The following RAI14 variants were observed in gnomAD, a reference collection of about 807,000 sequenced individuals.
RAI14 encodes retinoic acid induced 14, also known as ankycorbin.
A neutral mutation model predicts 115.4 loss-of-function variants in RAI14; 45 were observed. The observed-to-expected ratio is 0.39, with a 90% CI of 0.31 to 0.50. The LOEUF (loss-of-function observed/expected upper bound fraction) is 0.50, where lower values mean the gene tolerates loss of function less well. RAI14 is among the 20% of genes least tolerant of loss of function. The pLI, the probability that RAI14 is intolerant of heterozygous loss-of-function variation, is 0.85. For synonymous variants in RAI14, 371 were observed against 415.4 expected (o/e 0.89, Z 1.30); for missense variants, 939 against 1,131.2 (o/e 0.83, Z 2.44).
intron 2 of RAI14, among the ~76,000 whole-genome samples, chr5:34,734,283 C>G (rs1225705246): frequency 1.3e-5 from 2 of 152,210 alleles, no homozygotes; most frequent in African/African-American, 2.4e-5. Context: ...GAGCACTGCT[C>G]TTCCCTTGAG....
At chr5:34,794,607 T>C (rs1159311667) in intron 3 of RAI14, among the ~76,000 whole-genome samples, 1 of 152,194 alleles carries the variant, frequency 6.6e-6, no homozygotes, top group Non-Finnish European at 1.5e-5. Context: ...AATTAAACGT[T>C]AGAGCCAAGG....
At chr5:34,734,881 G>A (rs917182973) in intron 2 of RAI14, among the ~76,000 whole-genome samples, 5 of 151,916 alleles carry the variant, frequency 3.3e-5, no homozygotes, top group African/African-American at 4.8e-5. Context: ...GGCTGGTCTC[G>A]AACTCCTGAC....
At chr5:34,657,576 C>G (rs1401777498) in intron 1 of RAI14, among the ~76,000 whole-genome samples, 1 of 152,194 alleles carries the variant, frequency 6.6e-6, no homozygotes, top group South Asian at 2.1e-4. Flanking sequence ...CCCCTCGCCT[C>G]GGGACCAGCG....
chr5:34,744,127 T>C (rs1379546868), intron 2 of RAI14, among the ~76,000 whole-genome samples: 1 of 152,218 alleles, frequency 6.6e-6, no homozygotes, highest in East Asian at 1.9e-4. Flanking sequence ...ATGCCAGGAA[T>C]ACTTTTGGAG....
chr5:34,745,823 C>T (rs984872168), intron 2 of RAI14, among the ~76,000 whole-genome samples: 5 of 152,118 alleles, frequency 3.3e-5, no homozygotes, highest in Admixed American at 6.6e-5. Flanking sequence ...GCTATTGGAG[C>T]ATTACCATGT....
chr5:34,714,616 A>G (rs909555681), intron 2 of RAI14, among the ~76,000 whole-genome samples: 5 of 152,222 alleles, frequency 3.3e-5, no homozygotes, highest in South Asian at 2.1e-4. Flanking sequence ...TTAAAATCCA[A>G]TGGCATATAA....
At chr5:34,725,206 T>G (rs1743293203) in intron 2 of RAI14, among the ~76,000 whole-genome samples, 1 of 152,126 alleles carries the variant, frequency 6.6e-6, no homozygotes, top group Admixed American at 6.6e-5. Context: ...AGGAACAAAA[T>G]TGATGGGTAG....
chr5:34,812,298 A>C (rs773468997), intron 10 of RAI14, 90 bp downstream of exon 10: 2 of 1,111,736 alleles, frequency 1.8e-6, no homozygotes, highest in Non-Finnish European at 2.6e-6. Flanking sequence ...TCCACTAGTA[A>C]AGTAATAAAG....
intron 2 of RAI14, among the ~76,000 whole-genome samples, chr5:34,737,767 AAAAC>A (rs1264401224): frequency 1.1e-4 from 16 of 152,130 alleles, no homozygotes; most frequent in Non-Finnish European, 2.2e-4. Context: ...TCAAAAACAA[AAAAC>A]AAAACCAAAA....
intron 7 of RAI14, among the ~76,000 whole-genome samples, chr5:34,808,885 G>A (rs373622794): frequency 2.6e-5 from 4 of 152,252 alleles, no homozygotes; most frequent in African/African-American, 9.6e-5. Context: ...GATCCCTCAC[G>A]TGCTCAGTTC....
chr5:34,747,051 C>T (rs1746347680), intron 2 of RAI14, among the ~76,000 whole-genome samples: 1 of 152,228 alleles, frequency 6.6e-6, no homozygotes, highest in South Asian at 2.1e-4. Context: ...CCATGTGGAA[C>T]TGTAAATCCA....
Position 34,823,229 on chromosome 5 carries a change from A to G in RAI14, c.1387A>G (p.Arg463Gly). 6.2e-7 allele frequency: 1 copy of G among 1,614,094 alleles called. No homozygotes were observed. ...KQLQVELQSR[R>G]AELVCLNNTE... ...GCTACAGGTCGAACTCCAATCCCGA[A>G]GGGCAGAACTGGTATGCTTAAACAA... Residue 463 changes from arginine to glycine, a missense_variant, in exon 15 of 18, where the codon AGG (arginine) becomes GGG (glycine). Coordinates refer to ENST00000265109, the MANE Select transcript of RAI14 (RefSeq NM_015577.3). The surrounding 1 kb of genome is among the most constrained non-coding windows in gnomAD (Gnocchi z 4.5).
At chr5:34,688,684 G>A (rs1358369838) in intron 2 of RAI14, among the ~76,000 whole-genome samples, 1 of 152,114 alleles carries the variant, frequency 6.6e-6, no homozygotes, top group East Asian at 1.9e-4. Flanking sequence ...TTGGTATAAT[G>A]GAGCCCAACA....
In RAI14 at chr5:34,814,646, T is replaced by A. The variant is rs1755985502; in HGVS notation, c.916T>A (p.Phe306Ile). Residue 306 changes from phenylalanine (F) to isoleucine (I), a missense_variant, in exon 12 of 18, where the codon TTT becomes ATT. Physicochemically the swap from Phe to Ile is conservative, Grantham distance 21. Transcript: ENST00000265109. ...TCCACTATCGGGAAAGGAATCGGTA[T>A]TTTTTGCTGAACCACCCTTCAAGGT... Reference protein sequence around the residue: ...STPLSGKESVFFAEPPFKAEI... With the variant: ...STPLSGKESVIFAEPPFKAEI... The A allele has an allele frequency of 6.2e-7, 1 of 1,612,866 alleles. No individual in the cohort carries two copies. Among genetic ancestry groups the A allele is most frequent in the Non-Finnish European group, 8.5e-7 (1 of 1,179,066 alleles).
At chr5:34,671,027 T>G (rs939345526) in intron 1 of RAI14, among the ~76,000 whole-genome samples, 1 of 152,346 alleles carries the variant, frequency 6.6e-6, no homozygotes, top group South Asian at 2.1e-4. Context: ...TTTTTGGTTT[T>G]CAGCCTCCAC....
intron 4 of RAI14, among the ~76,000 whole-genome samples, chr5:34,798,818 C>T (rs1420909417): frequency 6.6e-6 from 1 of 152,152 alleles, no homozygotes; most frequent in Non-Finnish European, 1.5e-5. Flanking sequence ...TCCCAGGATT[C>T]GCCAGTGGGA....
intron 3 of RAI14, among the ~76,000 whole-genome samples, chr5:34,770,809 T>A (rs1750055495): frequency 6.6e-6 from 1 of 152,212 alleles, no homozygotes; most frequent in African/African-American, 2.4e-5. Context: ...TACCTAATTT[T>A]AAAAATATGA....
chr5:34,686,851 G>A, intron 1 of RAI14, 21 bp from the exon 2 acceptor site: 2 of 1,498,342 alleles, frequency 1.3e-6, no homozygotes, highest in Non-Finnish European at 1.9e-6. Context: ...ACCTACATAT[G>A]TCCTTTTTTT....
intron 2 of RAI14, among the ~76,000 whole-genome samples, chr5:34,724,419 C>T (rs974384726): frequency 1.3e-5 from 2 of 151,996 alleles, no homozygotes; most frequent in African/African-American, 2.4e-5. Context: ...AAAGTATGCC[C>T]GGTATTTGGG....
Sources: allele counts gnomAD v4.1 joint callset (sites outside exome capture counted in the v4.1 genomes callset), GRCh38; gene constraint gnomAD v4.1.1; non-coding constraint Gnocchi (gnomAD v3.1); transcripts MANE v1.5; gene names NCBI Gene and HGNC (gene_info 2026-07-23, HGNC 2026-07-21).